The following ENTREP2 variants were observed in gnomAD, a reference collection of about 807,000 sequenced individuals.
ENTREP2 encodes the protein endosomal transmembrane epsin interactor 2.
the ENTREP2 span, among the ~76,000 whole-genome samples, chr15:29,518,388 A>T: frequency 1.3e-5 from 2 of 152,194 alleles, no homozygotes; most frequent in African/African-American, 4.8e-5. Flanking sequence ...GTTTTATAGC[A>T]GGTATTCATA....
chr15:29,236,594 A>G, the ENTREP2 span, among the ~76,000 whole-genome samples: 1 of 152,164 alleles, frequency 6.6e-6, no homozygotes, highest in East Asian at 1.9e-4. Context: ...GGTTGCATTG[A>G]GCTATGATTG....
the ENTREP2 span, among the ~76,000 whole-genome samples, chr15:29,640,677 A>AC: frequency 5.2e-4 from 78 of 150,744 alleles, no homozygotes; most frequent in African/African-American, 1.7e-3. Flanking sequence ...ACAAAACAAA[A>AC]AAACCAAAAA....
At chr15:29,192,471 A>G in the ENTREP2 span, among the ~76,000 whole-genome samples, 1 of 152,186 alleles carries the variant, frequency 6.6e-6, no homozygotes, top group Non-Finnish European at 1.5e-5. Context: ...GGGTTCTGCA[A>G]ATTCCCAACT....
At chr15:29,527,843 C>T in the ENTREP2 span, among the ~76,000 whole-genome samples, 362 of 152,244 alleles carry the variant, frequency 2.4e-3, 2 homozygotes, top group African/African-American at 8.0e-3. Flanking sequence ...AGTAAGGATG[C>T]TTCAGCGGAC....
At chr15:29,262,626 A>G in the ENTREP2 span, among the ~76,000 whole-genome samples, 1 of 152,236 alleles carries the variant, frequency 6.6e-6, no homozygotes, top group Non-Finnish European at 1.5e-5. Flanking sequence ...ACCTTGCCCT[A>G]TGCATCTCTT....
the ENTREP2 span, among the ~76,000 whole-genome samples, chr15:29,514,306 G>C: frequency 6.6e-6 from 1 of 152,166 alleles, no homozygotes; most frequent in Non-Finnish European, 1.5e-5. Flanking sequence ...GAATCATTCA[G>C]CATTTGTCTT....
chr15:29,533,144 T>C, the ENTREP2 span, among the ~76,000 whole-genome samples: 1 of 152,156 alleles, frequency 6.6e-6, no homozygotes, highest in Non-Finnish European at 1.5e-5. Flanking sequence ...AACTGAGGCC[T>C]GGCAACTCCC....
At chr15:29,594,524 A>T in the ENTREP2 span, among the ~76,000 whole-genome samples, 1 of 152,086 alleles carries the variant, frequency 6.6e-6, no homozygotes, top group Non-Finnish European at 1.5e-5. Context: ...ATAAGAATCG[A>T]TGTTTTCGTT....
the ENTREP2 span, among the ~76,000 whole-genome samples, chr15:29,307,227 C>T: frequency 4.0e-5 from 6 of 151,306 alleles, no homozygotes; most frequent in Admixed American, 6.6e-5. Context: ...AATTATCTGA[C>T]GAAATAGGAA....
chr15:29,269,098 C>A, the ENTREP2 span: 1 of 1,614,066 alleles, frequency 6.2e-7, no homozygotes, highest in Admixed American at 1.7e-5. Flanking sequence ...CCCTAAGCGC[C>A]GCAGAAAGTC....
chr15:29,568,109 CA>C, the ENTREP2 span, among the ~76,000 whole-genome samples: 1 of 152,236 alleles, frequency 6.6e-6, no homozygotes, highest in African/African-American at 2.4e-5. Context: ...AGGAACCAAT[CA>C]TCATTTCTGC....
the ENTREP2 span, among the ~76,000 whole-genome samples, chr15:29,144,805 T>C: frequency 6.6e-6 from 1 of 152,002 alleles, no homozygotes; most frequent in Non-Finnish European, 1.5e-5. Context: ...TCTGGGAGGC[T>C]GAGGCGGCTG....
At chr15:29,322,601 G>C in the ENTREP2 span, among the ~76,000 whole-genome samples, 1,768 of 152,334 alleles carry the variant, frequency 0.012, 31 homozygotes, top group African/African-American at 0.041. Context: ...GACAGCTAAA[G>C]ATAAAAGGCC....
At chr15:29,621,316 G>C in the ENTREP2 span, among the ~76,000 whole-genome samples, 8 of 152,010 alleles carry the variant, frequency 5.3e-5, no homozygotes, top group Non-Finnish European at 1.0e-4. Flanking sequence ...GAGGTCAGGA[G>C]ATCGAGACCA....
chr15:29,297,923 A>G, the ENTREP2 span, among the ~76,000 whole-genome samples: 8 of 152,232 alleles, frequency 5.3e-5, no homozygotes, highest in East Asian at 1.9e-4. Context: ...AAGGATGCAC[A>G]TTTAGTGTTG....
chr15:29,619,391 T>A, the ENTREP2 span, among the ~76,000 whole-genome samples: 1 of 151,948 alleles, frequency 6.6e-6, no homozygotes, highest in African/African-American at 2.4e-5. Context: ...AGACTCCATC[T>A]CAAAAATAAA....
chr15:29,205,181 T>A, the ENTREP2 span, among the ~76,000 whole-genome samples: 1 of 152,248 alleles, frequency 6.6e-6, no homozygotes, highest in South Asian at 2.1e-4. Flanking sequence ...AAGAATGTTC[T>A]ATCAGATGCA....
the ENTREP2 span, among the ~76,000 whole-genome samples, chr15:29,474,368 T>C: frequency 5.1e-3 from 775 of 152,178 alleles, 8 homozygotes; most frequent in African/African-American, 0.018. Flanking sequence ...GAGATGACAG[T>C]TCACACAGAT....
chr15:29,642,943 A>T, the ENTREP2 span, among the ~76,000 whole-genome samples: 2 of 152,094 alleles, frequency 1.3e-5, no homozygotes, highest in African/African-American at 4.8e-5. Flanking sequence ...TGGTGCTGGG[A>T]CAACTGGATG....
Sources: allele counts gnomAD v4.1 joint callset (sites outside exome capture counted in the v4.1 genomes callset), GRCh38; gene constraint gnomAD v4.1.1; transcripts MANE v1.5; gene names NCBI Gene and HGNC (gene_info 2026-07-23, HGNC 2026-07-21).